The following PRR16 variants were observed in gnomAD, a reference collection of about 807,000 sequenced individuals.
PRR16 encodes the protein protein Largen.
A neutral mutation model predicts 18.2 loss-of-function variants in PRR16; 6 were observed. The observed-to-expected ratio is 0.33, with a 90% CI of 0.18 to 0.65. PRR16 has a LOEUF of 0.65. Among genes scored for constraint, PRR16 ranks in the 30% least tolerant of loss-of-function variants. PRR16 has a pLI of 0.74. For synonymous variants in PRR16, 151 were observed against 147.8 expected, an observed-to-expected ratio of 1.02 and a Z score of -0.16; for missense variants, 412 against 376.6, an observed-to-expected ratio of 1.09 and a Z score of -0.78.
chr5:120,779,421 C>CAA, the PRR16 span, among the ~76,000 whole-genome samples: 1 of 151,908 alleles, frequency 6.6e-6, no homozygotes, highest in African/African-American at 2.4e-5. Flanking sequence ...CAAAACAAAA[C>CAA]AAAACAAAAA....
chr5:120,775,475 C>G, the PRR16 span, among the ~76,000 whole-genome samples: 279 of 152,236 alleles, frequency 1.8e-3, no homozygotes, highest in Middle Eastern at 6.8e-3. Flanking sequence ...CTGCCATTTT[C>G]TCAGTTCAAT....
intron 1 of PRR16, among the ~76,000 whole-genome samples, chr5:120,573,012 A>G (rs910408273): frequency 1.3e-5 from 2 of 152,152 alleles, no homozygotes; most frequent in Non-Finnish European, 2.9e-5. Flanking sequence ...GGAGAAAGCT[A>G]GTATGGACAA....
chr5:120,686,735 T>C lies in PRR16; in HGVS notation c.*26T>C, dbSNP rs1757141599. On this transcript the variant is annotated 3_prime_UTR_variant, in exon 2 of 2. Transcript: ENST00000407149. Reference sequence around the variant, plus strand: ...TGTATGCCATTAAAAAAATTGTTTTTTTAATTTTCTATATTATAAACATAA... The same window carrying C: ...TGTATGCCATTAAAAAAATTGTTTTCTTAATTTTCTATATTATAAACATAA... The C allele has an allele frequency of 7.1e-7, 1 of 1,408,482 alleles. No homozygotes were observed. Among genetic ancestry groups the C allele is most frequent in the South Asian group, 1.7e-5 (1 of 58,432 alleles). The allele number at this position is 1,408,482 out of a possible 1,614,324, so 87.2% of individuals were successfully genotyped here.
intron 1 of PRR16, among the ~76,000 whole-genome samples, chr5:120,497,683 C>A (rs932474242): frequency 2.6e-5 from 4 of 151,798 alleles, no homozygotes; most frequent in African/African-American, 9.7e-5. Flanking sequence ...GCCACAGCTC[C>A]CGGCTGAATT....
At chr5:120,664,099 G>A (rs2150140453) in intron 1 of PRR16, among the ~76,000 whole-genome samples, 1 of 152,180 alleles carries the variant, frequency 6.6e-6, no homozygotes, top group South Asian at 2.1e-4. Context: ...ATGAGTTCGA[G>A]ACCAGCCTTA....
the PRR16 span, among the ~76,000 whole-genome samples, chr5:120,792,018 T>C: frequency 3.3e-5 from 5 of 152,188 alleles, no homozygotes; most frequent in Admixed American, 6.5e-5. Flanking sequence ...CATTGAAGTA[T>C]AGATGCCTGA....
At chr5:120,603,116 TG>T (rs1344285365) in intron 1 of PRR16, among the ~76,000 whole-genome samples, 1 of 152,104 alleles carries the variant, frequency 6.6e-6, no homozygotes, top group Non-Finnish European at 1.5e-5. Context: ...TTTGATTTTT[TG>T]GAATAATTTC....
chr5:120,477,752 T>G (rs1749488101), intron 1 of PRR16, among the ~76,000 whole-genome samples: 1 of 152,166 alleles, frequency 6.6e-6, no homozygotes, highest in Non-Finnish European at 1.5e-5. Context: ...GGTTCTAATG[T>G]CCTCCCCAAT....
the PRR16 span, among the ~76,000 whole-genome samples, chr5:120,699,351 G>A: frequency 6.6e-5 from 10 of 152,278 alleles, no homozygotes; most frequent in Non-Finnish European, 4.4e-5. Flanking sequence ...TAAATCAAGC[G>A]TGATCAGGGT....
At chr5:120,657,415 A>G (rs1321391764) in intron 1 of PRR16, among the ~76,000 whole-genome samples, 1 of 151,930 alleles carries the variant, frequency 6.6e-6, no homozygotes, top group Non-Finnish European at 1.5e-5. Context: ...TTCCATGTTC[A>G]GTGACCTCAT....
chr5:120,767,814 T>C, the PRR16 span, among the ~76,000 whole-genome samples: 1 of 151,770 alleles, frequency 6.6e-6, no homozygotes, highest in African/African-American at 2.4e-5. Context: ...TCACTATATC[T>C]CATCCCAATT....
intron 1 of PRR16, among the ~76,000 whole-genome samples, chr5:120,671,966 G>A (rs978424342): frequency 2.0e-5 from 3 of 152,100 alleles, no homozygotes; most frequent in African/African-American, 7.2e-5. Context: ...CTTTTCCTTT[G>A]ATTCTTGTAT....
intron 1 of PRR16, among the ~76,000 whole-genome samples, chr5:120,607,995 C>G (rs1468832598): frequency 6.6e-6 from 1 of 152,050 alleles, no homozygotes. Context: ...CAGTAGATAT[C>G]AAATCTAGGA....
chr5:120,767,434 A>G, the PRR16 span, among the ~76,000 whole-genome samples: 56 of 152,006 alleles, frequency 3.7e-4, no homozygotes, highest in African/African-American at 1.3e-3. Flanking sequence ...GCTCTTTACA[A>G]TCACCAATAT....
In PRR16 at chr5:120,667,655, T is replaced by C. The variant is rs900016293; in HGVS notation, c.160-18299T>C. 1.8e-4 allele frequency among the ~76,000 whole-genome samples: 27 copies of C among 151,974 alleles called. 1 individual carries two copies. Among genetic ancestry groups the C allele is most frequent in the Middle Eastern group, 6.8e-3 (2 of 294 alleles). Reference sequence around the variant, plus strand: ...GTCCCAGAGATTCTGGTATGTTGTGTCTTTGTTCTCGTTGGTTTCAAAGAA... The same window carrying C: ...GTCCCAGAGATTCTGGTATGTTGTGCCTTTGTTCTCGTTGGTTTCAAAGAA... On this transcript the variant is annotated intron_variant, in intron 1 of 1. Transcript: ENST00000407149.
intron 1 of PRR16, among the ~76,000 whole-genome samples, chr5:120,637,313 T>C (rs1235973442): frequency 2.2e-5 from 1 of 44,902 alleles, no homozygotes; most frequent in East Asian, 9.7e-4. Flanking sequence ...TAAGCCATTA[T>C]ACGGAAAAAA....
At chr5:120,619,988 G>T (rs551733526) in intron 1 of PRR16, among the ~76,000 whole-genome samples, 9 of 152,034 alleles carry the variant, frequency 5.9e-5, no homozygotes, top group Non-Finnish European at 1.0e-4. Flanking sequence ...TTAATAAATT[G>T]AGTTTTATGA....
chr5:120,507,341 G>A (rs942221335), intron 1 of PRR16, among the ~76,000 whole-genome samples: 10 of 152,076 alleles, frequency 6.6e-5, no homozygotes, highest in African/African-American at 1.9e-4. Flanking sequence ...GATGGAATAT[G>A]TACATGAAGT....
At chr5:120,727,373 G>A in the PRR16 span, among the ~76,000 whole-genome samples, 3 of 151,958 alleles carry the variant, frequency 2.0e-5, no homozygotes, top group Non-Finnish European at 2.9e-5. Flanking sequence ...TTTCTAATCT[G>A]TATGGTCACC....
Sources: allele counts gnomAD v4.1 joint callset (sites outside exome capture counted in the v4.1 genomes callset), GRCh38; gene constraint gnomAD v4.1.1; transcripts MANE v1.5; gene names NCBI Gene and HGNC (gene_info 2026-07-23, HGNC 2026-07-21).